UNC5D: variants seen among roughly 807,000 people sequenced by gnomAD.
The protein encoded by UNC5D is unc-5 netrin receptor D.
In UNC5D, 39 loss-of-function variants were observed where a neutral mutation model predicts 105.4. The ratio of observed to expected loss-of-function variants is 0.37; its 90% CI spans 0.29 to 0.48. The LOEUF is 0.48. Ranked by LOEUF, UNC5D falls within the 20% of genes least tolerant of loss-of-function variation. UNC5D has a pLI of 0.98. For synonymous variants in UNC5D, 452 were observed against 450.4 expected, an observed-to-expected ratio of 1.00 and a Z score of -0.04; for missense variants, 991 against 1,202.4, an observed-to-expected ratio of 0.82 and a Z score of 2.60.
intron 1 of UNC5D, among the ~76,000 whole-genome samples, chr8:35,370,267 C>T (rs1489689695): frequency 1.3e-5 from 2 of 152,134 alleles, no homozygotes; most frequent in Non-Finnish European, 2.9e-5. Flanking sequence ...AGCTTGGGTG[C>T]TCTGCCGTGG....
chr8:35,487,691 C>A (rs967430130), intron 1 of UNC5D, among the ~76,000 whole-genome samples: 2 of 151,892 alleles, frequency 1.3e-5, no homozygotes, highest in African/African-American at 4.8e-5. Flanking sequence ...CCTAAAAATG[C>A]GGAGTGGCTT....
intron 1 of UNC5D, among the ~76,000 whole-genome samples, chr8:35,373,463 C>A (rs527829675): frequency 2.0e-5 from 3 of 152,258 alleles, no homozygotes; most frequent in African/African-American, 7.2e-5. Flanking sequence ...TTTAACAGAG[C>A]TTTTATTTGC....
chr8:35,385,575 C>T (rs1455984440), intron 1 of UNC5D, among the ~76,000 whole-genome samples: 1 of 148,998 alleles, frequency 6.7e-6, no homozygotes, highest in African/African-American at 2.5e-5. Flanking sequence ...ACGCCATTCT[C>T]TTGCCTCAGC....
Position 35,353,830 on chromosome 8 carries a change from A to C in UNC5D, c.103+117943A>C, listed in dbSNP as rs371334145. 2.6e-5 allele frequency among the ~76,000 whole-genome samples: 4 copies of C among 152,294 alleles called. No homozygotes were observed. The South Asian group carries it at 8.3e-4, about 32-fold the overall frequency. On this transcript the variant is annotated intron_variant, in intron 1 of 16. Transcript: ENST00000404895. ...CATCTCTGCACATACACGTGTATAA[A>C]ATTTATAAAATGAGCATATAATTAC... is the stretch of plus-strand genomic sequence containing the variant.
chr8:35,454,859 C>T (rs1808381306), intron 1 of UNC5D, among the ~76,000 whole-genome samples: 1 of 152,134 alleles, frequency 6.6e-6, no homozygotes, highest in Non-Finnish European at 1.5e-5. Flanking sequence ...ATCTACCGTA[C>T]ACGGGTGAGG....
intron 4 of UNC5D, among the ~76,000 whole-genome samples, chr8:35,601,896 C>T (rs541725524): frequency 3.4e-4 from 52 of 152,204 alleles, no homozygotes; most frequent in Non-Finnish European, 5.9e-4. Context: ...GGGAATGCTT[C>T]CAGTTTTTGT....
intron 1 of UNC5D, among the ~76,000 whole-genome samples, chr8:35,546,154 C>T (rs1232902490): frequency 6.6e-6 from 1 of 152,130 alleles, no homozygotes; most frequent in Non-Finnish European, 1.5e-5. Flanking sequence ...GCCTTTGCCT[C>T]CCAAAGTGCT....
intron 1 of UNC5D, among the ~76,000 whole-genome samples, chr8:35,441,830 C>CGTCT (rs940198634): frequency 1.3e-5 from 2 of 151,332 alleles, no homozygotes; most frequent in African/African-American, 4.8e-5. Context: ...TAGAATCCAT[C>CGTCT]GTCTGACCAT....
intron 1 of UNC5D, among the ~76,000 whole-genome samples, chr8:35,307,768 A>G (rs1260516899): frequency 2.0e-5 from 3 of 152,118 alleles, no homozygotes; most frequent in African/African-American, 7.2e-5. Context: ...GATAGAATTG[A>G]CCTTGCCTTC....
rs199893761 is a variant in UNC5D, at chr8:35,664,841, TTTTA to T, written c.571-18702_571-18699del. ...TCATCTATTCTCTCAATTTATTTTA[TTTTA>T]TTTTTATTTATTTATTTAGAGATGG... On this transcript the variant is annotated intron_variant, in intron 4 of 16. Transcript: ENST00000404895. Among the ~76,000 whole-genome samples the T allele has an allele frequency of 7.2e-3, 1,089 of 152,250 alleles. 20 individuals carry two copies. The highest frequency in any genetic ancestry group is 0.024 in the African/African-American group (1,001 of 41,526).
intron 2 of UNC5D, among the ~76,000 whole-genome samples, chr8:35,562,730 G>C (rs115744588): frequency 0.012 from 1,814 of 152,138 alleles, 37 homozygotes; most frequent in African/African-American, 0.04. Context: ...TTGTCAGATA[G>C]ATAGTTTGCA....
At chr8:35,678,142 G>C (rs1825396331) in intron 4 of UNC5D, among the ~76,000 whole-genome samples, 1 of 152,096 alleles carries the variant, frequency 6.6e-6, no homozygotes, top group South Asian at 2.1e-4. Context: ...CAGCTCATAT[G>C]ATAGCACAAG....
intron 4 of UNC5D, among the ~76,000 whole-genome samples, chr8:35,641,076 A>G (rs1331616183): frequency 1.3e-5 from 2 of 152,092 alleles, no homozygotes; most frequent in African/African-American, 2.4e-5. Context: ...GCCTAGAACT[A>G]TAAGTTGTTT....
chr8:35,766,283 A>C (rs1801760724), intron 14 of UNC5D, among the ~76,000 whole-genome samples: 1 of 151,746 alleles, frequency 6.6e-6, no homozygotes. Context: ...AAACTAGATC[A>C]CTCTGGGGTG....
intron 1 of UNC5D, among the ~76,000 whole-genome samples, chr8:35,547,209 C>T (rs1464008704): frequency 2.0e-5 from 3 of 151,898 alleles, no homozygotes; most frequent in South Asian, 2.1e-4. Flanking sequence ...ATACAAAATA[C>T]CTCTTGAAGT....
intron 1 of UNC5D, among the ~76,000 whole-genome samples, chr8:35,493,436 A>G (rs1393203302): frequency 2.6e-5 from 4 of 152,098 alleles, no homozygotes; most frequent in Admixed American, 2.6e-4. Flanking sequence ...GTGTTATGAA[A>G]TGTTGTGTCA....
chr8:35,704,279 A>AGCTGCATTTATAGCAC (rs1827393869), intron 7 of UNC5D, among the ~76,000 whole-genome samples: 2 of 152,182 alleles, frequency 1.3e-5, no homozygotes, highest in South Asian at 4.1e-4. Context: ...AACACACTGG[A>AGCTGCATTTATAGCAC]GCTGCATTTA....
chr8:35,772,566 G>A (rs912188319), intron 15 of UNC5D, among the ~76,000 whole-genome samples: 2 of 152,152 alleles, frequency 1.3e-5, no homozygotes, highest in Admixed American at 1.3e-4. Context: ...TGTACTTGGA[G>A]GGCATAACAG....
chr8:35,669,780 A>G (rs776325845), intron 4 of UNC5D, among the ~76,000 whole-genome samples: 2 of 152,152 alleles, frequency 1.3e-5, no homozygotes, highest in Non-Finnish European at 2.9e-5. Context: ...TTAATGTCAA[A>G]CAGGTAAGGA....
Sources: allele counts gnomAD v4.1 joint callset (sites outside exome capture counted in the v4.1 genomes callset), GRCh38; gene constraint gnomAD v4.1.1; transcripts MANE v1.5; gene names NCBI Gene and HGNC (gene_info 2026-07-23, HGNC 2026-07-21).